The following AAK1 variants were observed in gnomAD, a reference collection of about 807,000 sequenced individuals.
AAK1 encodes the protein AP2 associated kinase 1.
A neutral mutation model predicts 116.0 loss-of-function variants in AAK1; 37 were observed. The ratio of observed to expected loss-of-function variants is 0.32; its 90% CI spans 0.25 to 0.42. AAK1 has a LOEUF of 0.42. AAK1 is among the 10% of genes least tolerant of loss of function. AAK1 has a pLI of 1.00. For synonymous variants in AAK1, 458 were observed against 439.9 expected, an observed-to-expected ratio of 1.04 and a Z score of -0.51; for missense variants, 919 against 1,170.6, an observed-to-expected ratio of 0.79 and a Z score of 3.14.
chr2:69,602,843 G>A (rs1479324107), intron 2 of AAK1, among the ~76,000 whole-genome samples: 1 of 152,200 alleles, frequency 6.6e-6, no homozygotes. Flanking sequence ...AAAAGCAACA[G>A]AAAAATATGA....
intron 17 of AAK1, among the ~76,000 whole-genome samples, chr2:69,483,995 AG>A (rs1675195003): frequency 6.6e-6 from 1 of 152,260 alleles, no homozygotes; most frequent in Non-Finnish European, 1.5e-5. Flanking sequence ...AGAATCTTAT[AG>A]GAAGAAGGGA....
rs1470207287 is a variant in AAK1 at position 69,469,592 on chromosome 2, C to A, written c.*6277G>T. The A allele has an allele frequency of 4.1e-6, 4 of 985,304 alleles. No individual in the cohort carries two copies. Among genetic ancestry groups the A allele is most frequent in the Admixed American group, 1.2e-4 (2 of 16,262 alleles). 61.0% of individuals were successfully genotyped at this position (985,304 alleles called of 1,614,324 possible). A position where few individuals can be genotyped will look rare whatever the true frequency, so the allele number is the denominator to read the frequency against. ...AACCAATGGCACGTCATAGCAGATA[C>A]CCTGTGGCCATAGAGCTCAGTAAAC... On this transcript the variant is annotated 3_prime_UTR_variant, in exon 22 of 22. Transcript: ENST00000409085.
intron 3 of AAK1, among the ~76,000 whole-genome samples, chr2:69,550,050 C>T (rs1263730459): frequency 6.6e-6 from 1 of 152,222 alleles, no homozygotes; most frequent in Non-Finnish European, 1.5e-5. Flanking sequence ...TATCAAACCA[C>T]TTATCAGAAA....
Position 69,462,224 on chromosome 2 carries a change from G to A in AAK1, c.*13645C>T, listed in dbSNP as rs1177140937. The A allele has an allele frequency of 5.8e-5, 7 of 120,246 alleles. No homozygotes were observed. Among genetic ancestry groups the A allele is most frequent in the Non-Finnish European group, 1.2e-4 (7 of 58,090 alleles). The allele number at this position is 120,246 out of a possible 1,614,324, so 7.4% of individuals were successfully genotyped here. ...CACACTCTGGGGACTGTTGTGGGGTGGGGGGAGGGGGGCGGGATAGCATTA... is the reference window on the plus strand; with the variant it reads ...CACACTCTGGGGACTGTTGTGGGGTAGGGGGAGGGGGGCGGGATAGCATTA... On this transcript the variant is annotated 3_prime_UTR_variant, in exon 22 of 22. Coordinates refer to ENST00000409085, the MANE Select transcript of AAK1 (RefSeq NM_014911.5).
At chr2:69,630,608 T>A (rs1021789107) in intron 2 of AAK1, among the ~76,000 whole-genome samples, 2 of 152,256 alleles carry the variant, frequency 1.3e-5, no homozygotes, top group Non-Finnish European at 2.9e-5. Context: ...ATTTTATAGA[T>A]GAGAAGACTA....
Position 69,472,895 on chromosome 2 carries a change from C to T in AAK1, c.*2974G>A, listed in dbSNP as rs1367837575. ...ATCTCTAAGATTATGATTTAGGCTT[C>T]TATTCAGATAATCAAGAAAGAGCAA... On this transcript the variant is annotated 3_prime_UTR_variant, in exon 22 of 22. Transcript: ENST00000409085. The T allele has an allele frequency of 2.0e-6, 2 of 985,566 alleles. No homozygotes were observed. Among genetic ancestry groups the T allele is most frequent in the Non-Finnish European group, 2.4e-6 (2 of 829,808 alleles). The allele number at this position is 985,566 out of a possible 1,614,324, so 61.1% of individuals were successfully genotyped here.
chr2:69,471,848 A>G lies in AAK1; in HGVS notation c.*4021T>C. 2.0e-6 allele frequency: 2 copies of G among 985,438 alleles called. No homozygotes were observed. Among genetic ancestry groups the G allele is most frequent in the African/African-American group, 1.7e-5 (1 of 57,370 alleles). The allele number at this position is 985,438 out of a possible 1,614,324, so 61.0% of individuals were successfully genotyped here. A position where few individuals can be genotyped will look rare whatever the true frequency, so the allele number is the denominator to read the frequency against. ...TGGGGAAGGTTATATTGGTTGATCAATTATCTGTCAGGAGAGTAGGAAATA... is the reference window on the plus strand; with the variant it reads ...TGGGGAAGGTTATATTGGTTGATCAGTTATCTGTCAGGAGAGTAGGAAATA... On this transcript the variant is annotated 3_prime_UTR_variant, in exon 22 of 22. Coordinates refer to ENST00000409085, the MANE Select transcript of AAK1 (RefSeq NM_014911.5).
chr2:69,466,813 G>C lies in AAK1; in HGVS notation c.*9056C>G, dbSNP rs551214726. ...GATGTTAGGCACACAGACATTCAGC[G>C]TAACTATGCAATGCTCCTACACACA... On this transcript the variant is annotated 3_prime_UTR_variant, in exon 22 of 22. Transcript: ENST00000409085. 8.1e-6 allele frequency: 8 copies of C among 985,276 alleles called. No homozygotes were observed. The highest frequency in any genetic ancestry group is 1.1e-4 in the East Asian group (1 of 8,828). The allele number at this position is 985,276 out of a possible 1,614,324, so 61.0% of individuals were successfully genotyped here.
intron 2 of AAK1, among the ~76,000 whole-genome samples, chr2:69,575,294 G>A (rs1408724710): frequency 2.8e-5 from 4 of 142,574 alleles, no homozygotes; most frequent in African/African-American, 7.7e-5. Flanking sequence ...AACTTCCTTT[G>A]TCTCTGGTAT....
intron 2 of AAK1, among the ~76,000 whole-genome samples, chr2:69,607,046 C>CAAA (rs61156108): frequency 4.8e-4 from 33 of 68,758 alleles, no homozygotes; most frequent in Non-Finnish European, 6.4e-4. Context: ...AGTCTTGCCT[C>CAAA]AAAAAAAAAA....
chr2:69,600,051 G>C (rs907391378), intron 2 of AAK1, among the ~76,000 whole-genome samples: 1 of 151,298 alleles, frequency 6.6e-6, no homozygotes, highest in African/African-American at 2.4e-5. Flanking sequence ...CAAAGTGCTA[G>C]AATTACAGGC....
intron 3 of AAK1, among the ~76,000 whole-genome samples, chr2:69,556,471 A>G (rs779475323): frequency 6.6e-6 from 1 of 152,166 alleles, no homozygotes; most frequent in Non-Finnish European, 1.5e-5. Flanking sequence ...AGAGCTCAGG[A>G]GGGTTGAACT....
chr2:69,515,541 G>C (rs150084196), intron 12 of AAK1, among the ~76,000 whole-genome samples: 3 of 151,970 alleles, frequency 2.0e-5, no homozygotes, highest in African/African-American at 4.8e-5. Context: ...TGTTGCCCAG[G>C]CTGTCTCGAC....
intron 2 of AAK1, among the ~76,000 whole-genome samples, chr2:69,619,100 A>C (rs1166272061): frequency 1.3e-5 from 2 of 151,902 alleles, no homozygotes; most frequent in Non-Finnish European, 2.9e-5. Flanking sequence ...TGCTAAATCC[A>C]CCTGCTCTGT....
chr2:69,527,148 A>T, intron 9 of AAK1, 68 bp downstream of exon 9: 1 of 1,143,030 alleles, frequency 8.7e-7, no homozygotes, highest in Non-Finnish European at 1.3e-6. Flanking sequence ...ACAGCTGATT[A>T]ACACCCCAGG....
rs987331929 is a variant in AAK1 at position 69,492,518 on chromosome 2, C to CTTTTTTTTTTT, written c.2365+3456_2365+3466dup. On this transcript the variant is annotated intron_variant, in intron 17 of 21. Coordinates refer to ENST00000409085, the MANE Select transcript of AAK1 (RefSeq NM_014911.5). ...CGTGAGCCACCGTGCCTGGCCAATT[C>CTTTTTTTTTTT]TTTTTTTTTTTTTTTTTTTTTTGAG... Among the ~76,000 whole-genome samples the CTTTTTTTTTTT allele has an allele frequency of 1.9e-4, 16 of 83,402 alleles. 1 individual carries two copies. Among genetic ancestry groups the CTTTTTTTTTTT allele is most frequent in the African/African-American group, 7.4e-4 (14 of 18,934 alleles). The allele number at this position is 83,402 out of a possible 152,430, so 54.7% of individuals were successfully genotyped here. A position where few individuals can be genotyped will look rare whatever the true frequency, so the allele number is the denominator to read the frequency against.
At chr2:69,537,732 C>T (rs1428127687) in intron 5 of AAK1, among the ~76,000 whole-genome samples, 1 of 152,212 alleles carries the variant, frequency 6.6e-6, no homozygotes, top group Admixed American at 6.5e-5. Flanking sequence ...GGGGAAGCTG[C>T]AGATGCGCAG....
Position 69,471,933 on chromosome 2 carries a change from G to A in AAK1, c.*3936C>T, listed in dbSNP as rs898154077. 6 of 985,230 alleles carry A rather than the reference G, an allele frequency of 6.1e-6. No homozygotes were observed. The African/African-American group carries it at 1.0e-4, about 17-fold the overall frequency. The allele number at this position is 985,230 out of a possible 1,614,324, so 61.0% of individuals were successfully genotyped here. On this transcript the variant is annotated 3_prime_UTR_variant, in exon 22 of 22. Coordinates refer to ENST00000409085, the MANE Select transcript of AAK1 (RefSeq NM_014911.5). Reference sequence around the variant, plus strand: ...ACAAATATTACATCTTGAGAAAGTAGTTCGTTTCTTGGGTTTGTTTTTCCA... The same window carrying A: ...ACAAATATTACATCTTGAGAAAGTAATTCGTTTCTTGGGTTTGTTTTTCCA...
chr2:69,465,759 A>C lies in AAK1; in HGVS notation c.*10110T>G. On this transcript the variant is annotated 3_prime_UTR_variant, in exon 22 of 22. Coordinates refer to ENST00000409085, the MANE Select transcript of AAK1 (RefSeq NM_014911.5). ...TTCCAGGCAGGATCCCCTGGGAGAG[A>C]TGCTGTCCAGATGGTCTGCTGCTTG... 1 of 1,290,840 alleles carries C rather than the reference A, an allele frequency of 7.7e-7. No individual in the cohort carries two copies. The highest frequency in any genetic ancestry group is 1.0e-6 in the Non-Finnish European group (1 of 988,868). 80.0% of individuals were successfully genotyped at this position (1,290,840 alleles called of 1,614,324 possible).
Sources: allele counts gnomAD v4.1 joint callset (sites outside exome capture counted in the v4.1 genomes callset), GRCh38; gene constraint gnomAD v4.1.1; transcripts MANE v1.5; gene names NCBI Gene and HGNC (gene_info 2026-07-23, HGNC 2026-07-21).